Variants in SLC43A2 observed in about 807,000 individuals in gnomAD.
SLC43A2 encodes the protein large neutral amino acids transporter small subunit 4.
SLC43A2 carries 38 observed loss-of-function variants against 63.2 expected under a neutral mutation model. The observed-to-expected ratio is 0.60, with a 90% confidence interval of 0.46 to 0.79. SLC43A2 has a LOEUF of 0.79. Ranked by LOEUF, SLC43A2 falls within the 30% of genes least tolerant of loss-of-function variation. The pLI, the probability that SLC43A2 is intolerant of heterozygous loss-of-function variation, is 0.00. For synonymous variants in SLC43A2, 322 were observed against 331.0 expected (o/e 0.97, Z 0.30); for missense variants, 644 against 756.2 (o/e 0.85, Z 1.74).
intron 5 of SLC43A2, among the ~76,000 whole-genome samples, chr17:1,597,777 C>T (rs934834897): frequency 7.9e-5 from 12 of 151,004 alleles, no homozygotes; most frequent in African/African-American, 2.7e-4. Flanking sequence ...CCACCCTGGG[C>T]GACAGAGTGA....
At chr17:1,624,259 A>G (rs970713564) in intron 2 of SLC43A2, among the ~76,000 whole-genome samples, 16 of 152,204 alleles carry the variant, frequency 1.1e-4, no homozygotes, top group Non-Finnish European at 2.1e-4. Flanking sequence ...CAACATGGTG[A>G]AACCCCTATC....
chr17:1,605,116 G>A lies in SLC43A2; in HGVS notation c.501+8079C>T, dbSNP rs1022498270. ...TGCAAGCCCCTCTTCCCGCCCTCAG[G>A]TGCTTCCCACAGCCCCCTCGCCGCC... On this transcript the variant is annotated intron_variant, in intron 5 of 13. Transcript: ENST00000301335. This position sits in a 1 kb window ranked among gnomAD's most constrained non-coding sequence, Gnocchi z 4.9. 28 of 1,319,396 alleles carry A rather than the reference G, an allele frequency of 2.1e-5. No homozygotes were observed. Among genetic ancestry groups the A allele is most frequent in the Non-Finnish European group, 2.6e-5 (27 of 1,029,570 alleles). The allele number at this position is 1,319,396 out of a possible 1,614,324, so 81.7% of individuals were successfully genotyped here.
chr17:1,614,920 G>T, intron 4 of SLC43A2, 59 bp downstream of exon 4: 1 of 1,571,004 alleles, frequency 6.4e-7, no homozygotes, highest in Non-Finnish European at 8.7e-7. Context: ...GGGCCTGGGA[G>T]CAGCTCAGGG....
chr17:1,591,155 G>T, intron 8 of SLC43A2, 114 bp downstream of exon 8: 2 of 1,403,714 alleles, frequency 1.4e-6, no homozygotes, highest in Non-Finnish European at 1.9e-6. Flanking sequence ...GAGCGCCTCT[G>T]CAGAACAGGG....
chr17:1,580,468 G>C (rs2151030417), intron 11 of SLC43A2, among the ~76,000 whole-genome samples: 1 of 152,318 alleles, frequency 6.6e-6, no homozygotes, highest in Non-Finnish European at 1.5e-5. Context: ...CCCAAGCCTG[G>C]TCACCCGGCC....
At chr17:1,582,181 A>G (rs1211713656) in intron 11 of SLC43A2, among the ~76,000 whole-genome samples, 41 of 148,590 alleles carry the variant, frequency 2.8e-4, no homozygotes, top group African/African-American at 9.2e-4. Context: ...CCAGGTTCAA[A>G]TGATTCTCCT....
intron 5 of SLC43A2, among the ~76,000 whole-genome samples, chr17:1,595,900 G>A (rs759213516): frequency 3.9e-5 from 6 of 152,194 alleles, no homozygotes; most frequent in African/African-American, 1.2e-4. Flanking sequence ...GTTACTGAGC[G>A]GAGGGAGTTT....
rs780559673 is a variant in SLC43A2 at position 1,591,734 on chromosome 17, A to AGGGGGGGGGGGGGGGGGG, written c.595-36_595-35insCCCCCCCCCCCCCCCCCC. 1.4e-4 allele frequency: 41 copies of AGGGGGGGGGGGGGGGGGG among 295,336 alleles called. 2 individuals carry two copies. The highest frequency in any genetic ancestry group is 4.0e-4 in the South Asian group (10 of 24,774). 18.3% of individuals were successfully genotyped at this position (295,336 alleles called of 1,614,324 possible). On this transcript the variant is annotated intron_variant, in intron 6 of 13. Coordinates refer to ENST00000301335, the MANE Select transcript of SLC43A2 (RefSeq NM_152346.3). ...ACCGCGGGGACGGGGTGGGGGGGGGAGGGGGCAGAGTTAGCCCGGGGAGGC... is the reference window on the plus strand; with the variant it reads ...ACCGCGGGGACGGGGTGGGGGGGGGAGGGGGGGGGGGGGGGGGGGGGGGCAGAGTTAGCCCGGGGAGGC...
intron 11 of SLC43A2, among the ~76,000 whole-genome samples, chr17:1,581,943 A>G (rs549280296): frequency 6.7e-6 from 1 of 148,580 alleles, no homozygotes; most frequent in East Asian, 2.0e-4. Flanking sequence ...AGTAGCTGGG[A>G]TTACAGGCAT....
Position 1,598,892 on chromosome 17 carries a change from G to A in SLC43A2, c.502-5613C>T, listed in dbSNP as rs565764839. ...TCCCTTTGATGCCCTGCCTCTTGCCGCCTGGAACATTCTTACCAGCACCAA... is the reference window on the plus strand; with the variant it reads ...TCCCTTTGATGCCCTGCCTCTTGCCACCTGGAACATTCTTACCAGCACCAA... On this transcript the variant is annotated intron_variant, in intron 5 of 13. Coordinates refer to ENST00000301335, the MANE Select transcript of SLC43A2 (RefSeq NM_152346.3). Among the ~76,000 whole-genome samples, 8 of 152,338 alleles carry A rather than the reference G, an allele frequency of 5.3e-5. No homozygotes were observed. In the East Asian group the frequency reaches 5.8e-4, roughly 11 times the overall value.
At chr17:1,628,662 T>A (rs983905881) in intron 1 of SLC43A2, 132 bp downstream of exon 1, 6 of 150,044 alleles carry the variant, frequency 4.0e-5, no homozygotes, top group Non-Finnish European at 7.4e-5. Context: ...CTGTTCGTCA[T>A]CTCTTCCCTG....
At chr17:1,601,205 A>T (rs773483848) in intron 5 of SLC43A2, among the ~76,000 whole-genome samples, 3 of 152,044 alleles carry the variant, frequency 2.0e-5, no homozygotes, top group Non-Finnish European at 4.4e-5. Flanking sequence ...CTGGCACTAG[A>T]CTGCTACCAA....
At chr17:1,594,669 G>A (rs1465353988) in intron 5 of SLC43A2, among the ~76,000 whole-genome samples, 1 of 143,290 alleles carries the variant, frequency 7.0e-6, no homozygotes, top group Non-Finnish European at 1.5e-5. Flanking sequence ...CTCACTGCAA[G>A]CTCCGCCTCC....
chr17:1,604,949 G>T lies in SLC43A2; in HGVS notation c.501+8246C>A. 11 of 1,499,446 alleles carry T rather than the reference G, an allele frequency of 7.3e-6. No homozygotes were observed. The South Asian group carries it at 1.4e-4, about 19-fold the overall frequency. The allele number at this position is 1,499,446 out of a possible 1,614,324, so 92.9% of individuals were successfully genotyped here. A position where few individuals can be genotyped will look rare whatever the true frequency, so the allele number is the denominator to read the frequency against. On this transcript the variant is annotated intron_variant, in intron 5 of 13. Coordinates refer to ENST00000301335, the MANE Select transcript of SLC43A2 (RefSeq NM_152346.3). Reference sequence around the variant, plus strand: ...TCGAAGCCGCGGTGCCGGAGTGAGGGCTGAGCGCTGAGCAGAGCGCCCTAG... The same window carrying T: ...TCGAAGCCGCGGTGCCGGAGTGAGGTCTGAGCGCTGAGCAGAGCGCCCTAG...
Position 1,584,148 on chromosome 17 carries a change from C to T in SLC43A2, c.1218-812G>A, listed in dbSNP as rs548129204. Reference sequence around the variant, plus strand: ...GACCTTGTGATCCACCCGCCTTGGCCTCCCAAAGTGCTGGGATTACAGGTG... The same window carrying T: ...GACCTTGTGATCCACCCGCCTTGGCTTCCCAAAGTGCTGGGATTACAGGTG... On this transcript the variant is annotated intron_variant, in intron 10 of 13. Transcript: ENST00000301335. Among the ~76,000 whole-genome samples, 6 of 152,212 alleles carry T rather than the reference C, an allele frequency of 3.9e-5. No homozygotes were observed. The East Asian group carries it at 1.2e-3, about 30-fold the overall frequency.
At chr17:1,617,758 T>C (rs1907815381) in intron 2 of SLC43A2, among the ~76,000 whole-genome samples, 1 of 152,164 alleles carries the variant, frequency 6.6e-6, no homozygotes, top group Admixed American at 6.6e-5. Flanking sequence ...TGCCTAGACC[T>C]CGCTGGGTGC....
chr17:1,614,159 C>T (rs913371107), intron 4 of SLC43A2, among the ~76,000 whole-genome samples: 1 of 152,104 alleles, frequency 6.6e-6, no homozygotes, highest in Non-Finnish European at 1.5e-5. Context: ...AGGAGAATGG[C>T]GTGAACCCGG....
chr17:1,613,111 G>T, intron 5 of SLC43A2, 84 bp downstream of exon 5: 2 of 1,240,706 alleles, frequency 1.6e-6, no homozygotes, highest in South Asian at 1.3e-5. Context: ...CACATGGAAG[G>T]CAAGGAAACA....
At chr17:1,616,541 C>A in intron 3 of SLC43A2, 21 bp downstream of exon 3, 1 of 1,595,276 alleles carries the variant, frequency 6.3e-7, no homozygotes, top group East Asian at 2.3e-5. Flanking sequence ...ACTCCCTGCC[C>A]CCTAAGGGAC....
Sources: allele counts gnomAD v4.1 joint callset (sites outside exome capture counted in the v4.1 genomes callset), GRCh38; gene constraint gnomAD v4.1.1; non-coding constraint Gnocchi (gnomAD v3.1); transcripts MANE v1.5; gene names NCBI Gene and HGNC (gene_info 2026-07-23, HGNC 2026-07-21).